ZNF385D: variants seen among roughly 807,000 people sequenced by gnomAD.
The protein encoded by ZNF385D is zinc finger protein 385D.
In ZNF385D, 15 loss-of-function variants were observed where a neutral mutation model predicts 35.8. The ratio of observed to expected loss-of-function variants is 0.42; its 90% CI spans 0.28 to 0.64. The LOEUF is 0.64. Among genes scored for constraint, ZNF385D ranks in the 30% least tolerant of loss-of-function variants. The pLI, the probability that ZNF385D is intolerant of heterozygous loss-of-function variation, is 0.23. For synonymous variants in ZNF385D, 212 were observed against 186.8 expected (o/e 1.13, Z -1.10); for missense variants, 474 against 494.6 (o/e 0.96, Z 0.39).
At chr3:21,977,307 TA>T (rs1337089995) in intron 3 of ZNF385D, among the ~76,000 whole-genome samples, 7 of 150,588 alleles carry the variant, frequency 4.6e-5, no homozygotes, top group Non-Finnish European at 8.9e-5. Context: ...CTTTTGTATA[TA>T]CATACTACAT....
At chr3:21,757,478 T>G (rs1002174327) in intron 3 of ZNF385D, among the ~76,000 whole-genome samples, 3 of 152,168 alleles carry the variant, frequency 2.0e-5, no homozygotes, top group Admixed American at 6.5e-5. Flanking sequence ...TCTAATTTGA[T>G]AGACAGCTAA....
At chr3:21,484,085 A>G (rs767422283) in intron 4 of ZNF385D, among the ~76,000 whole-genome samples, 4 of 152,180 alleles carry the variant, frequency 2.6e-5, no homozygotes, top group Non-Finnish European at 5.9e-5. Flanking sequence ...GACATCTCCA[A>G]ATAATATATG....
intron 2 of ZNF385D, among the ~76,000 whole-genome samples, chr3:22,222,298 AC>A (rs1698306540): frequency 1.3e-5 from 2 of 152,064 alleles, no homozygotes; most frequent in Non-Finnish European, 2.9e-5. Flanking sequence ...CATAAAAAAC[AC>A]ATAGTCTTCA....
chr3:22,189,071 T>C (rs954169177), intron 2 of ZNF385D, among the ~76,000 whole-genome samples: 3 of 152,124 alleles, frequency 2.0e-5, no homozygotes, highest in Non-Finnish European at 2.9e-5. Context: ...GTACAATCCA[T>C]TCCTTAACTG....
At chr3:22,202,912 T>C (rs574865471) in intron 2 of ZNF385D, among the ~76,000 whole-genome samples, 1 of 152,238 alleles carries the variant, frequency 6.6e-6, no homozygotes, top group East Asian at 1.9e-4. Flanking sequence ...GACTTGCCAC[T>C]GTGGGCTAAA....
At chr3:21,958,260 T>C (rs1180352229) in intron 3 of ZNF385D, among the ~76,000 whole-genome samples, 1 of 152,110 alleles carries the variant, frequency 6.6e-6, no homozygotes, top group Non-Finnish European at 1.5e-5. Context: ...AGAAGACCTA[T>C]ATTTTGGAGT....
chr3:21,474,490 T>A (rs1328622321), intron 4 of ZNF385D, among the ~76,000 whole-genome samples: 2 of 152,068 alleles, frequency 1.3e-5, no homozygotes, highest in Non-Finnish European at 2.9e-5. Flanking sequence ...GGAGGCCAAA[T>A]CACTCTCCAA....
chr3:22,018,108 C>T (rs1028526311), intron 3 of ZNF385D, among the ~76,000 whole-genome samples: 20 of 151,696 alleles, frequency 1.3e-4, no homozygotes, highest in Admixed American at 3.9e-4. Context: ...GACTGTCAGT[C>T]AAGTTAATTT....
chr3:21,621,772 C>T (rs991558644), intron 2 of ZNF385D, among the ~76,000 whole-genome samples: 1 of 151,634 alleles, frequency 6.6e-6, no homozygotes, highest in African/African-American at 2.4e-5. Flanking sequence ...AGCACATTGG[C>T]TGCTCTTATC....
At chr3:22,034,552 G>C (rs1396368380) in intron 3 of ZNF385D, among the ~76,000 whole-genome samples, 1 of 152,038 alleles carries the variant, frequency 6.6e-6, no homozygotes, top group Non-Finnish European at 1.5e-5. Flanking sequence ...GAGGAAAAAA[G>C]AAATCAATTT....
chr3:21,732,029 G>GTTTTTTTTTTTTTTTTTT lies in ZNF385D; in HGVS notation c.22+18865_22+18866insAAAAAAAAAAAAAAAAAA. 9.1e-3 allele frequency among the ~76,000 whole-genome samples: 192 copies of GTTTTTTTTTTTTTTTTTT among 21,206 alleles called. 87 individuals carry two copies. The highest frequency in any genetic ancestry group is 0.038 in the Middle Eastern group (1 of 26). The allele number at this position is 21,206 out of a possible 152,430, so 13.9% of individuals were successfully genotyped here. ...ATTCAGGGTTTTTTTCTTTTTTCGGGGTTTTTTTTTTTTTTTTTTTTTTTT... is the reference window on the plus strand; with the variant it reads ...ATTCAGGGTTTTTTTCTTTTTTCGGGTTTTTTTTTTTTTTTTTTGTTTTTTTTTTTTTTTTTTTTTTTT... On this transcript the variant is annotated intron_variant, in intron 1 of 7. Coordinates refer to ENST00000281523, the MANE Select transcript of ZNF385D (RefSeq NM_024697.3).
chr3:21,869,472 C>T (rs2620532), intron 3 of ZNF385D, among the ~76,000 whole-genome samples: 39 of 152,038 alleles, frequency 2.6e-4, no homozygotes, highest in Non-Finnish European at 5.3e-4. Context: ...AGAGAGTAAC[C>T]TTGATACTGT....
At chr3:21,986,005 G>T (rs1445121712) in intron 3 of ZNF385D, among the ~76,000 whole-genome samples, 1 of 109,418 alleles carries the variant, frequency 9.1e-6, no homozygotes, top group Non-Finnish European at 1.7e-5. Context: ...TGTGGGATTG[G>T]TGGTGATATC....
chr3:21,887,982 C>T (rs2673537), intron 3 of ZNF385D, among the ~76,000 whole-genome samples: 1 of 151,892 alleles, frequency 6.6e-6, no homozygotes, highest in Non-Finnish European at 1.5e-5. Flanking sequence ...ACTAAAAATA[C>T]ATCACAATGA....
chr3:22,260,703 TA>T lies in ZNF385D; in HGVS notation c.107-91669del, dbSNP rs200526636. On this transcript the variant is annotated intron_variant, in intron 2 of 5. Coordinates refer to the ZNF385D transcript ENST00000494108. ...AAAGAGGGATCCTTTTTACCTAACATAAAAAATACCTTCTAATTTACCTAAT... is the reference window on the plus strand; with the variant it reads ...AAAGAGGGATCCTTTTTACCTAACATAAAAATACCTTCTAATTTACCTAAT... Among the ~76,000 whole-genome samples, 1,157 of 152,012 alleles carry T rather than the reference TA, an allele frequency of 7.6e-3. 13 individuals carry two copies. Among genetic ancestry groups the T allele is most frequent in the African/African-American group, 0.026 (1,093 of 41,514 alleles).
chr3:21,974,920 A>C (rs1459012482), intron 3 of ZNF385D, among the ~76,000 whole-genome samples: 2 of 152,170 alleles, frequency 1.3e-5, no homozygotes, highest in Non-Finnish European at 2.9e-5. Flanking sequence ...GACAATAGCA[A>C]ATGCTGGCAA....
At chr3:22,348,550 G>A (rs1308072100) in intron 2 of ZNF385D, among the ~76,000 whole-genome samples, 2 of 150,718 alleles carry the variant, frequency 1.3e-5, no homozygotes, top group Non-Finnish European at 2.9e-5. Context: ...TGTAATCCCA[G>A]CTACTCCAGA....
chr3:21,457,042 A>G (rs919188406), intron 4 of ZNF385D, among the ~76,000 whole-genome samples: 1 of 152,198 alleles, frequency 6.6e-6, no homozygotes, highest in Non-Finnish European at 1.5e-5. Flanking sequence ...TGTAAAATCT[A>G]CAAGGGCAGG....
chr3:22,230,767 T>C (rs1268657829), intron 2 of ZNF385D, among the ~76,000 whole-genome samples: 6 of 152,160 alleles, frequency 3.9e-5, no homozygotes, highest in African/African-American at 1.4e-4. Context: ...ATAGAGGAGT[T>C]TGTTAAGCTG....
Sources: allele counts gnomAD v4.1 joint callset (sites outside exome capture counted in the v4.1 genomes callset), GRCh38; gene constraint gnomAD v4.1.1; transcripts MANE v1.5; gene names NCBI Gene and HGNC (gene_info 2026-07-23, HGNC 2026-07-21).